The following NLGN1 variants were observed in gnomAD, a reference collection of about 807,000 sequenced individuals.
NLGN1 encodes neuroligin 1.
A neutral mutation model predicts 65.5 loss-of-function variants in NLGN1; 12 were observed. The ratio of observed to expected loss-of-function variants is 0.18; its 90% CI spans 0.12 to 0.30. NLGN1 has a LOEUF of 0.30. Among genes scored for constraint, NLGN1 ranks in the 10% least tolerant of loss-of-function variants. The pLI, the probability that NLGN1 is intolerant of heterozygous loss-of-function variation, is 1.00. For missense variants in NLGN1, 750 were observed against 1,007.1 expected (o/e 0.74, Z 3.46); for synonymous variants, 350 against 359.5 (o/e 0.97, Z 0.30).
chr3:173,918,662 G>GTA, intron 4 of NLGN1, among the ~76,000 whole-genome samples: 1 of 31,324 alleles, frequency 3.2e-5, no homozygotes, highest in African/African-American at 8.7e-5. Flanking sequence ...AAATACATAT[G>GTA]TGTGTGTGTG....
intron 1 of NLGN1, among the ~76,000 whole-genome samples, chr3:173,413,174 CA>C (rs1712954082): frequency 6.6e-6 from 1 of 152,046 alleles, no homozygotes; most frequent in Non-Finnish European, 1.5e-5. Flanking sequence ...GTCGGGGATG[CA>C]ATGTGACTGT....
chr3:173,510,712 G>A (rs768238226), intron 2 of NLGN1, among the ~76,000 whole-genome samples: 13 of 148,164 alleles, frequency 8.8e-5, no homozygotes, highest in East Asian at 1.9e-4. Context: ...GTGCCTTGTC[G>A]TTATAAAAAG....
chr3:174,266,032 GTA>G (rs3036872), intron 4 of NLGN1, among the ~76,000 whole-genome samples: 19 of 129,756 alleles, frequency 1.5e-4, no homozygotes, highest in Non-Finnish European at 1.9e-4. Flanking sequence ...GTGTGTGTGT[GTA>G]TATATATATA....
intron 2 of NLGN1, among the ~76,000 whole-genome samples, chr3:173,494,154 T>A: frequency 7.1e-6 from 1 of 140,758 alleles, no homozygotes; most frequent in East Asian, 2.3e-4. Flanking sequence ...TGTGTGCGCG[T>A]GCATGTGCGG....
At chr3:173,782,119 T>G (rs550622996) in intron 3 of NLGN1, among the ~76,000 whole-genome samples, 1 of 152,034 alleles carries the variant, frequency 6.6e-6, no homozygotes, top group Non-Finnish European at 1.5e-5. Flanking sequence ...GTTTTCTTTG[T>G]CTAGGGTATA....
chr3:173,503,538 T>C (rs931963184), intron 2 of NLGN1, among the ~76,000 whole-genome samples: 5 of 152,082 alleles, frequency 3.3e-5, no homozygotes, highest in African/African-American at 1.2e-4. Context: ...TTATATAAAA[T>C]CATTTGTAGA....
chr3:173,605,679 G>T (rs906710451), intron 3 of NLGN1, 86 bp downstream of exon 3: 2 of 604,742 alleles, frequency 3.3e-6, no homozygotes, highest in African/African-American at 1.9e-5. Flanking sequence ...ATTTGCTGAT[G>T]CTGGGAAGTA....
intron 4 of NLGN1, among the ~76,000 whole-genome samples, chr3:174,065,881 C>G (rs1209806171): frequency 6.6e-6 from 1 of 152,072 alleles, no homozygotes; most frequent in South Asian, 2.1e-4. Flanking sequence ...CGGCAAGAAA[C>G]GAGACCCTCA....
intron 4 of NLGN1, among the ~76,000 whole-genome samples, chr3:173,914,354 GCT>G (rs1381965416): frequency 3.3e-5 from 5 of 152,128 alleles, no homozygotes; most frequent in African/African-American, 1.2e-4. Flanking sequence ...AGACTTACAG[GCT>G]CTGCCTGGTT....
At chr3:173,759,419 A>G (rs193097914) in intron 3 of NLGN1, among the ~76,000 whole-genome samples, 9 of 152,102 alleles carry the variant, frequency 5.9e-5, no homozygotes, top group African/African-American at 9.6e-5. Flanking sequence ...TTCATCAATT[A>G]ACGTCTTTGT....
intron 4 of NLGN1, among the ~76,000 whole-genome samples, chr3:174,051,297 C>T (rs1252859632): frequency 2.0e-5 from 3 of 152,036 alleles, no homozygotes; most frequent in African/African-American, 7.2e-5. Context: ...GGTTCAATTT[C>T]ATAGTCCCAG....
chr3:174,146,862 C>G (rs116024776), intron 4 of NLGN1, among the ~76,000 whole-genome samples: 2 of 152,022 alleles, frequency 1.3e-5, no homozygotes, highest in African/African-American at 2.4e-5. Context: ...GCCACTGCGC[C>G]GGGCTGACAT....
At chr3:173,818,174 TA>T (rs1553859401) in intron 4 of NLGN1, among the ~76,000 whole-genome samples, 1 of 152,190 alleles carries the variant, frequency 6.6e-6, no homozygotes, top group Non-Finnish European at 1.5e-5. Context: ...TTTACAATGT[TA>T]AAAAAGTCAG....
chr3:173,840,556 GGTT>G (rs1724583468), intron 4 of NLGN1, among the ~76,000 whole-genome samples: 1 of 152,134 alleles, frequency 6.6e-6, no homozygotes, highest in Non-Finnish European at 1.5e-5. Context: ...GAAGAAATGA[GGTT>G]GTACAGGTAA....
upstream of NLGN1, chr3:173,397,658 C>G (rs1716850678): frequency 6.5e-6 from 1 of 152,916 alleles, no homozygotes; most frequent in Non-Finnish European, 1.5e-5. Flanking sequence ...CCACTTGCCC[C>G]AGCTCTCCTC....
At chr3:173,413,245 G>T (rs1035018743) in intron 1 of NLGN1, among the ~76,000 whole-genome samples, 4 of 151,954 alleles carry the variant, frequency 2.6e-5, no homozygotes, top group African/African-American at 9.7e-5. Context: ...CTGAGACAAG[G>T]AAGTTCATAT....
At chr3:173,722,194 A>G (rs1770952263) in intron 3 of NLGN1, among the ~76,000 whole-genome samples, 1 of 151,516 alleles carries the variant, frequency 6.6e-6, no homozygotes, top group Non-Finnish European at 1.5e-5. Flanking sequence ...AGCCTTGTGT[A>G]AGTCATTAAC....
At chr3:174,289,094 A>G (rs1030349168), downstream of NLGN1, among the ~76,000 whole-genome samples, 2 of 151,394 alleles carry the variant, frequency 1.3e-5, no homozygotes, top group African/African-American at 4.8e-5. Flanking sequence ...ACTAACAAAA[A>G]CTACCATGCA....
At chr3:174,135,856 A>G (rs1721116363) in intron 4 of NLGN1, among the ~76,000 whole-genome samples, 1 of 152,176 alleles carries the variant, frequency 6.6e-6, no homozygotes, top group Non-Finnish European at 1.5e-5. Flanking sequence ...CATTTTTAAG[A>G]TTCAGACCCA....
Sources: allele counts gnomAD v4.1 joint callset (sites outside exome capture counted in the v4.1 genomes callset), GRCh38; gene constraint gnomAD v4.1.1; transcripts MANE v1.5; gene names NCBI Gene and HGNC (gene_info 2026-07-23, HGNC 2026-07-21).